CCDC141: variants seen among roughly 807,000 people sequenced by gnomAD.
The protein encoded by CCDC141 is coiled-coil domain-containing protein 141.
In CCDC141, 168 loss-of-function variants were observed where a neutral mutation model predicts 181.0. The ratio of observed to expected loss-of-function variants is 0.93; its 90% confidence interval spans 0.82 to 1.05. CCDC141 has a LOEUF of 1.05. CCDC141 is among the 50% of genes least tolerant of loss of function. The probability of loss-of-function intolerance (pLI) is 0.00; values close to 1 mark genes in which losing one functional copy is unlikely to be tolerated. For synonymous variants in CCDC141, 666 were observed against 642.3 expected (o/e 1.04, Z -0.56); for missense variants, 1,902 against 1,788.5 (o/e 1.06, Z -1.14).
the CCDC141 span, among the ~76,000 whole-genome samples, chr2:178,816,244 T>C: frequency 0.19 from 29,126 of 152,168 alleles, 2,967 homozygotes; most frequent in South Asian, 0.28. Flanking sequence ...TGGTTTCTTA[T>C]TGTCTCTGTA....
rs1369056673 is a variant in CCDC141 at position 178,872,150 on chromosome 2, T to G, written c.2062A>C (p.Lys688Gln). ...TGCCTCACCTTTTTAAGTTGCTCTT[T>G]GAATGCCGCCCACTGCTGTTTTCCA... ...KPGKQQWAAFKEQLKKTSHNL... is the reference protein window; with the variant it reads ...KPGKQQWAAFQEQLKKTSHNL... The change falls in exon 13 of 24, where the codon AAA becomes CAA. Residue 688 changes from lysine (K) to glutamine (Q), a missense_variant. Physicochemically the swap from Lys to Gln is moderately conservative, Grantham distance 53 (BLOSUM62 1). Coordinates refer to ENST00000443758, the MANE Select transcript of CCDC141 (RefSeq NM_173648.4). 4 of 1,613,372 alleles carry G rather than the reference T, an allele frequency of 2.5e-6. No homozygotes were observed. Among genetic ancestry groups the G allele is most frequent in the Non-Finnish European group, 3.4e-6 (4 of 1,179,810 alleles).
chr2:178,871,370 CCAAA>C, intron 14 of CCDC141, 53 bp downstream of exon 14: 2 of 1,553,774 alleles, frequency 1.3e-6, no homozygotes, highest in Non-Finnish European at 1.7e-6. Flanking sequence ...TAAACTGCAA[CCAAA>C]CAGTTTTAAG....
intron 2 of CCDC141, among the ~76,000 whole-genome samples, chr2:179,041,491 G>GTTTTTTTTTTTTTTTTTT (rs35229059): frequency 1.7e-5 from 1 of 58,864 alleles, no homozygotes; most frequent in Non-Finnish European, 2.9e-5. Flanking sequence ...TTGGTTGTGG[G>GTTTTTTTTTTTTTTTTTT]TTTTTTTTTT....
At chr2:179,047,206 C>A in intron 2 of CCDC141, 78 bp downstream of exon 2, 2 of 1,334,382 alleles carry the variant, frequency 1.5e-6, no homozygotes, top group South Asian at 1.9e-5. Context: ...CCAGTAACAG[C>A]AGAGGAATCA....
At chr2:179,020,315 A>T (rs2042659037) in intron 2 of CCDC141, among the ~76,000 whole-genome samples, 1 of 152,110 alleles carries the variant, frequency 6.6e-6, no homozygotes, top group African/African-American at 2.4e-5. Flanking sequence ...AGTGTGCCAG[A>T]GTGCTACTCT....
Position 178,849,975 on chromosome 2 carries a change from C to T in CCDC141, c.3357+74G>A, listed in dbSNP as rs114699022. On this transcript the variant is annotated intron_variant, in intron 21 of 23. Transcript: ENST00000443758. ...GAGAAATTCTGTTAAAATGTCTTTG[C>T]ACCAGAAGACATTTGATTAACACAT... 4,337 of 788,046 alleles carry T rather than the reference C, an allele frequency of 5.5e-3. 137 individuals are homozygous for T. In the African/African-American group the frequency reaches 0.065, roughly 12 times the overall value. The allele number at this position is 788,046 out of a possible 1,614,324, so 48.8% of individuals were successfully genotyped here.
At chr2:178,836,030 T>C (rs1307309546) in intron 23 of CCDC141, 1 of 152,590 alleles carries the variant, frequency 6.6e-6, no homozygotes, top group Non-Finnish European at 1.5e-5. Flanking sequence ...TACTGAAACA[T>C]TGTGATCAAT....
At chr2:179,040,638 G>A (rs995955906) in intron 2 of CCDC141, among the ~76,000 whole-genome samples, 18 of 152,078 alleles carry the variant, frequency 1.2e-4, no homozygotes, top group Admixed American at 9.2e-4. Flanking sequence ...CATGGTATTT[G>A]GTTTTCTGTT....
At chr2:179,024,195 G>T (rs1283710940) in intron 2 of CCDC141, among the ~76,000 whole-genome samples, 1 of 152,136 alleles carries the variant, frequency 6.6e-6, no homozygotes, top group Non-Finnish European at 1.5e-5. Flanking sequence ...GTTCTCTTAG[G>T]AGCCCAAATG....
intron 6 of CCDC141, among the ~76,000 whole-genome samples, chr2:178,942,032 T>C (rs1360623672): frequency 7.1e-6 from 1 of 140,762 alleles, no homozygotes; most frequent in Non-Finnish European, 1.5e-5. Flanking sequence ...CTCTCAGGGA[T>C]GCTGTAGAGA....
At chr2:179,012,433 C>A (rs552394858) in intron 2 of CCDC141, among the ~76,000 whole-genome samples, 1 of 152,004 alleles carries the variant, frequency 6.6e-6, no homozygotes, top group Non-Finnish European at 1.5e-5. Context: ...AAATTAGATA[C>A]CCTGAACAGA....
chr2:179,018,994 A>G (rs2154385571), intron 2 of CCDC141, among the ~76,000 whole-genome samples: 1 of 152,304 alleles, frequency 6.6e-6, no homozygotes, highest in Non-Finnish European at 1.5e-5. Flanking sequence ...TTTCCATTTG[A>G]TTATAATTTC....
intron 6 of CCDC141, among the ~76,000 whole-genome samples, chr2:178,922,924 TGTGG>T (rs1011004786): frequency 2.4e-4 from 37 of 152,334 alleles, no homozygotes; most frequent in African/African-American, 8.7e-4. Context: ...ACATGAACTC[TGTGG>T]GTATTAAATG....
chr2:178,873,775 T>G (rs941513039), intron 12 of CCDC141: 1 of 152,194 alleles, frequency 6.6e-6, no homozygotes, highest in Non-Finnish European at 1.5e-5. Context: ...TGGAAAATGT[T>G]TGTCATAATC....
intron 2 of CCDC141, among the ~76,000 whole-genome samples, chr2:179,015,065 G>GATATATATATT (rs1326648706): frequency 1.8e-4 from 2 of 10,976 alleles, no homozygotes; most frequent in African/African-American, 5.2e-4. Flanking sequence ...GAGAGAGACA[G>GATATATATATT]AGATATATAT....
At chr2:178,936,290 AG>A (rs1689286952) in intron 6 of CCDC141, among the ~76,000 whole-genome samples, 1 of 152,182 alleles carries the variant, frequency 6.6e-6, no homozygotes, top group Non-Finnish European at 1.5e-5. Flanking sequence ...GGTGTAAGGA[AG>A]GGTTCACCTT....
the CCDC141 span, among the ~76,000 whole-genome samples, chr2:178,822,643 T>C: frequency 6.6e-6 from 1 of 152,148 alleles, no homozygotes. Context: ...TAAAGGTACA[T>C]GATAACCTCA....
At chr2:178,837,978 G>T (rs1684561988) in intron 22 of CCDC141, among the ~76,000 whole-genome samples, 1 of 152,174 alleles carries the variant, frequency 6.6e-6, no homozygotes, top group South Asian at 2.1e-4. Flanking sequence ...AGTAAAGTGT[G>T]ATAGACATTG....
chr2:178,872,246 G>A lies in CCDC141; in HGVS notation c.1966C>T (p.Gln656Ter). 6.2e-7 allele frequency: 1 copy of A among 1,613,844 alleles called. No homozygotes were observed. Among genetic ancestry groups the A allele is most frequent in the Non-Finnish European group, 8.5e-7 (1 of 1,179,878 alleles). Reference sequence around the variant, plus strand: ...CTAAGTTCTTCCCGTTCTGCTTTCTGGTTTTCCATGGTGTTCTTCATGAGG... The same window carrying A: ...CTAAGTTCTTCCCGTTCTGCTTTCTAGTTTTCCATGGTGTTCTTCATGAGG... Reference protein sequence around the residue: ...VYLMKNTMENQKAEREELSLL... With the variant: ...VYLMKNTMEN The change falls in exon 13 of 24, where the codon CAG (glutamine) becomes TAG (stop). Residue 656 changes from glutamine (Q) to a stop codon, truncating the protein, a stop_gained. Transcript: ENST00000443758. LOFTEE classifies it high-confidence loss of function.
Sources: allele counts gnomAD v4.1 joint callset (sites outside exome capture counted in the v4.1 genomes callset), GRCh38; gene constraint gnomAD v4.1.1; transcripts MANE v1.5; gene names NCBI Gene and HGNC (gene_info 2026-07-23, HGNC 2026-07-21).